ADAMTS3: variants seen among roughly 807,000 people sequenced by gnomAD.
ADAMTS3 encodes ADAM metallopeptidase with thrombospondin type 1 motif 3.
A neutral mutation model predicts 129.0 loss-of-function variants in ADAMTS3; 73 were observed. That is an observed-to-expected ratio of 0.57 (90% confidence interval 0.47 to 0.69). ADAMTS3 has a LOEUF of 0.69. ADAMTS3 is among the 30% of genes least tolerant of loss of function. The pLI, the probability that ADAMTS3 is intolerant of heterozygous loss-of-function variation, is 0.00. For missense variants in ADAMTS3, 1,457 were observed against 1,514.5 expected, an observed-to-expected ratio of 0.96 and a Z score of 0.63; for synonymous variants, 477 against 510.8, an observed-to-expected ratio of 0.93 and a Z score of 0.89.
intron 4 of ADAMTS3, among the ~76,000 whole-genome samples, chr4:72,384,248 T>C (rs550099481): frequency 6.6e-6 from 1 of 152,222 alleles, no homozygotes; most frequent in South Asian, 2.1e-4. Context: ...AGAGAAAAAT[T>C]ATTTGAAATG....
At chr4:72,518,094 A>T (rs1425890697) in intron 3 of ADAMTS3, among the ~76,000 whole-genome samples, 1 of 151,998 alleles carries the variant, frequency 6.6e-6, no homozygotes, top group African/African-American at 2.4e-5. Context: ...TTCATTATAT[A>T]CCCAGTAGTC....
intron 3 of ADAMTS3, among the ~76,000 whole-genome samples, chr4:72,543,509 C>T (rs528859556): frequency 5.8e-4 from 89 of 152,188 alleles, no homozygotes; most frequent in African/African-American, 2.1e-3. Context: ...GTGACACACA[C>T]ATACAATGGG....
chr4:72,404,027 T>C (rs991712126), intron 4 of ADAMTS3, among the ~76,000 whole-genome samples: 1 of 151,932 alleles, frequency 6.6e-6, no homozygotes, highest in East Asian at 1.9e-4. Flanking sequence ...AACAAATAAA[T>C]AGAAAGACAT....
intron 3 of ADAMTS3, among the ~76,000 whole-genome samples, chr4:72,453,956 T>C (rs1718476608): frequency 6.9e-6 from 1 of 145,670 alleles, no homozygotes; most frequent in Admixed American, 7.2e-5. Context: ...CACAAACTTT[T>C]TATCCAACAG....
chr4:72,479,142 C>T (rs1251670986), intron 3 of ADAMTS3, among the ~76,000 whole-genome samples: 1 of 152,056 alleles, frequency 6.6e-6, no homozygotes, highest in African/African-American at 2.4e-5. Flanking sequence ...AGATTCAATG[C>T]CATACCCATC....
At chr4:72,541,796 G>T (rs1721333455) in intron 3 of ADAMTS3, among the ~76,000 whole-genome samples, 1 of 152,110 alleles carries the variant, frequency 6.6e-6, no homozygotes, top group African/African-American at 2.4e-5. Context: ...CGATTGTGAG[G>T]CCTCCCTAGC....
intron 3 of ADAMTS3, among the ~76,000 whole-genome samples, chr4:72,485,316 G>C (rs570651892): frequency 1.3e-5 from 2 of 152,144 alleles, no homozygotes; most frequent in South Asian, 4.1e-4. Context: ...ATTCACAAAG[G>C]GTTTAAGCTA....
intron 2 of ADAMTS3, among the ~76,000 whole-genome samples, chr4:72,556,105 A>G (rs73825786): frequency 0.03 from 4,608 of 151,804 alleles, 386 homozygotes; most frequent in African/African-American, 0.11. Flanking sequence ...AGACTAATAC[A>G]TAGCCTTAGT....
At chr4:72,544,201 T>A (rs1181608611) in intron 3 of ADAMTS3, among the ~76,000 whole-genome samples, 5 of 152,136 alleles carry the variant, frequency 3.3e-5, no homozygotes, top group African/African-American at 9.6e-5. Flanking sequence ...GAAAACAAAG[T>A]GTTTAAAATG....
intron 4 of ADAMTS3, among the ~76,000 whole-genome samples, chr4:72,384,564 C>G (rs1468790928): frequency 6.6e-6 from 1 of 152,166 alleles, no homozygotes; most frequent in East Asian, 1.9e-4. Flanking sequence ...AATTTGAATT[C>G]AAAATCTATT....
At chr4:72,495,874 A>T (rs552728746) in intron 3 of ADAMTS3, among the ~76,000 whole-genome samples, 6 of 152,282 alleles carry the variant, frequency 3.9e-5, no homozygotes, top group African/African-American at 1.4e-4. Context: ...CTTTGCACAG[A>T]AGCAAATTAA....
chr4:72,393,953 G>C (rs1721663926), intron 4 of ADAMTS3, among the ~76,000 whole-genome samples: 1 of 152,164 alleles, frequency 6.6e-6, no homozygotes, highest in Non-Finnish European at 1.5e-5. Flanking sequence ...AAGATTAAAA[G>C]TAAACTGTCT....
At chr4:72,440,471 T>TA (rs954179673) in intron 3 of ADAMTS3, among the ~76,000 whole-genome samples, 111 of 151,878 alleles carry the variant, frequency 7.3e-4, no homozygotes, top group African/African-American at 2.6e-3. Flanking sequence ...TGTTTTTCCT[T>TA]AAAAAAATGC....
chr4:72,417,679 C>T (rs1337953054), intron 3 of ADAMTS3, among the ~76,000 whole-genome samples: 2 of 151,710 alleles, frequency 1.3e-5, no homozygotes, highest in South Asian at 2.1e-4. Context: ...ACCTGTAATC[C>T]CAGCATTTTG....
At chr4:72,350,281 T>C (rs145342136) in intron 4 of ADAMTS3, among the ~76,000 whole-genome samples, 250 of 152,192 alleles carry the variant, frequency 1.6e-3, no homozygotes, top group Non-Finnish European at 2.8e-3. Flanking sequence ...TGAAATAGTA[T>C]CGACCATATG....
intron 3 of ADAMTS3, among the ~76,000 whole-genome samples, chr4:72,417,925 T>A (rs1722347443): frequency 5.4e-5 from 1 of 18,518 alleles, no homozygotes; most frequent in African/African-American, 1.2e-4. Context: ...AGAGGGAGAC[T>A]CCATCTCAAA....
intron 2 of ADAMTS3, among the ~76,000 whole-genome samples, chr4:72,555,803 TC>T (rs1721749279): frequency 6.6e-6 from 1 of 151,454 alleles, no homozygotes; most frequent in Non-Finnish European, 1.5e-5. Context: ...TTTGGTGTTC[TC>T]GTGATAGTGA....
chr4:72,417,958 A>G (rs1330204594), intron 3 of ADAMTS3, among the ~76,000 whole-genome samples: 2 of 151,424 alleles, frequency 1.3e-5, no homozygotes, highest in Non-Finnish European at 2.9e-5. Flanking sequence ...AGTACTTTAT[A>G]TAAAGCACTG....
At chr4:72,298,244 C>A in intron 18 of ADAMTS3, 33 bp downstream of exon 18, 1 of 1,579,482 alleles carries the variant, frequency 6.3e-7, no homozygotes, top group Non-Finnish European at 8.6e-7. Flanking sequence ...ATATGCATTA[C>A]ATTTTAATAT....
Sources: allele counts gnomAD v4.1 joint callset (sites outside exome capture counted in the v4.1 genomes callset), GRCh38; gene constraint gnomAD v4.1.1; transcripts MANE v1.5; gene names NCBI Gene and HGNC (gene_info 2026-07-23, HGNC 2026-07-21).